The following FAM210A variants were observed in gnomAD, a reference collection of about 807,000 sequenced individuals.
FAM210A encodes the protein mitochondrial inner membrane scaffold 1.
A neutral mutation model predicts 25.3 loss-of-function variants in FAM210A; 13 were observed. That is an observed-to-expected ratio of 0.51 (90% confidence interval 0.33 to 0.82). The LOEUF is 0.82. FAM210A is among the 40% of genes least tolerant of loss of function. The pLI is 0.02. For missense variants in FAM210A, 319 were observed against 323.2 expected (o/e 0.99, Z 0.10); for synonymous variants, 125 against 118.7 (o/e 1.05, Z -0.35).
At chr18:13,675,603 T>G (rs58548053) in intron 2 of FAM210A, among the ~76,000 whole-genome samples, 3 of 98,536 alleles carry the variant, frequency 3.0e-5, no homozygotes, top group Non-Finnish European at 4.2e-5. Context: ...TATTAACATT[T>G]CTGAGCCCTG....
At chr18:13,705,995 T>C (rs1359416651) in intron 1 of FAM210A, among the ~76,000 whole-genome samples, 1 of 152,214 alleles carries the variant, frequency 6.6e-6, no homozygotes, top group Non-Finnish European at 1.5e-5. Flanking sequence ...CAGTGTATTT[T>C]TATGGTTCAC....
chr18:13,663,495 T>A lies in FAM210A; in HGVS notation c.*2985A>T, dbSNP rs2149048594. The A allele has an allele frequency of 1.3e-5, 2 of 152,282 alleles. No homozygotes were observed. The highest frequency in any genetic ancestry group is 1.3e-4 in the Admixed American group (2 of 15,304). 9.4% of individuals were successfully genotyped at this position (152,282 alleles called of 1,614,324 possible). A position where few individuals can be genotyped will look rare whatever the true frequency, so the allele number is the denominator to read the frequency against. On this transcript the variant is annotated 3_prime_UTR_variant, in exon 4 of 4. Transcript: ENST00000651643. Reference sequence around the variant, plus strand: ...TCTCAGTGAAATACATTTTTTGATGTGGTTGGTTTTGCTCTTATTCCTGAA... The same window carrying A: ...TCTCAGTGAAATACATTTTTTGATGAGGTTGGTTTTGCTCTTATTCCTGAA...
intron 3 of FAM210A, among the ~76,000 whole-genome samples, chr18:13,669,845 CCA>C (rs139340897): frequency 0.014 from 2,160 of 152,260 alleles, 48 homozygotes; most frequent in African/African-American, 0.049. Context: ...TATCCCGTAG[CCA>C]ACTGCCACCA....
At chr18:13,710,027 AG>A (rs780922359) in intron 1 of FAM210A, among the ~76,000 whole-genome samples, 4 of 152,180 alleles carry the variant, frequency 2.6e-5, no homozygotes, top group Non-Finnish European at 5.9e-5. Context: ...GGAGGAATTT[AG>A]TTGACAGTTT....
intron 1 of FAM210A, among the ~76,000 whole-genome samples, chr18:13,706,401 A>T (rs950451155): frequency 6.6e-6 from 1 of 152,130 alleles, no homozygotes; most frequent in African/African-American, 2.4e-5. Context: ...CTTTTATTTG[A>T]AAATGATTTT....
chr18:13,682,642 G>A (rs2043565296), intron 1 of FAM210A, among the ~76,000 whole-genome samples: 1 of 151,778 alleles, frequency 6.6e-6, no homozygotes, highest in Admixed American at 6.6e-5. Flanking sequence ...TCTGAGGCAG[G>A]CGGATCGCTT....
At chr18:13,722,039 G>C (rs2043901278) in intron 1 of FAM210A, among the ~76,000 whole-genome samples, 1 of 152,042 alleles carries the variant, frequency 6.6e-6, no homozygotes, top group African/African-American at 2.4e-5. Flanking sequence ...ACTCAAATCT[G>C]GGAACTGATT....
In FAM210A at chr18:13,663,859, C is replaced by A. The variant is rs1451358516; in HGVS notation, c.*2621G>T. On this transcript the variant is annotated 3_prime_UTR_variant, in exon 4 of 4. Transcript: ENST00000651643. ...TAAATATAAATGTAGACATGTAAGACACAGGGCTGCTTCTGCCGAGCACTC... is the reference window on the plus strand; with the variant it reads ...TAAATATAAATGTAGACATGTAAGAAACAGGGCTGCTTCTGCCGAGCACTC... The A allele has an allele frequency of 6.6e-6, 1 of 152,096 alleles. No homozygotes were observed. The highest frequency in any genetic ancestry group is 1.5e-5 in the Non-Finnish European group (1 of 68,028). 9.4% of individuals were successfully genotyped at this position (152,096 alleles called of 1,614,324 possible).
intron 1 of FAM210A, among the ~76,000 whole-genome samples, chr18:13,688,451 G>A (rs960766064): frequency 4.1e-5 from 2 of 49,000 alleles, no homozygotes; most frequent in Admixed American, 5.1e-4. Context: ...GGCTGCATGA[G>A]GCAGAGAGGC....
At chr18:13,704,154 AAT>A (rs2149066216) in intron 1 of FAM210A, among the ~76,000 whole-genome samples, 1 of 152,346 alleles carries the variant, frequency 6.6e-6, no homozygotes, top group African/African-American at 2.4e-5. Context: ...TACTAAAAAA[AAT>A]AGTTTTACAT....
At chr18:13,678,233 C>T (rs1292319464) in intron 2 of FAM210A, among the ~76,000 whole-genome samples, 1 of 152,070 alleles carries the variant, frequency 6.6e-6, no homozygotes, top group African/African-American at 2.4e-5. Flanking sequence ...GCTGTATTGT[C>T]ACTGGCCTGC....
intron 1 of FAM210A, among the ~76,000 whole-genome samples, chr18:13,690,303 C>A (rs998814957): frequency 6.6e-6 from 1 of 152,226 alleles, no homozygotes; most frequent in African/African-American, 2.4e-5. Flanking sequence ...GGCCTGCCTG[C>A]CTCTGTAGAC....
chr18:13,686,243 CAA>C (rs1387680822), intron 1 of FAM210A, among the ~76,000 whole-genome samples: 1 of 152,090 alleles, frequency 6.6e-6, no homozygotes, highest in Non-Finnish European at 1.5e-5. Context: ...CCATCAGGCC[CAA>C]AGAGACATTA....
Position 13,694,290 on chromosome 18 carries a change from A to G in FAM210A, c.-28-12185T>C, listed in dbSNP as rs535444622. 2.0e-5 allele frequency among the ~76,000 whole-genome samples: 3 copies of G among 152,298 alleles called. No individual in the cohort carries two copies. The East Asian group carries it at 5.8e-4, about 29-fold the overall frequency. On this transcript the variant is annotated intron_variant, in intron 1 of 3. Coordinates refer to ENST00000651643, the MANE Select transcript of FAM210A (RefSeq NM_152352.4). ...AGGAAGAATCGTTGTGAAAATGGCC[A>G]TACTGCCCAAGGTAATTTATAGATT...
At chr18:13,685,875 G>C (rs1037461007) in intron 1 of FAM210A, among the ~76,000 whole-genome samples, 6 of 152,124 alleles carry the variant, frequency 3.9e-5, no homozygotes, top group Non-Finnish European at 8.8e-5. Context: ...GCACATATTA[G>C]AAAAGAAGTA....
At chr18:13,711,587 T>C (rs1448333279) in intron 1 of FAM210A, among the ~76,000 whole-genome samples, 1 of 152,208 alleles carries the variant, frequency 6.6e-6, no homozygotes, top group Non-Finnish European at 1.5e-5. Context: ...CTTTCAGACT[T>C]TCCTTTCTAT....
At chr18:13,713,949 T>C (rs1251810377) in intron 1 of FAM210A, among the ~76,000 whole-genome samples, 3 of 152,204 alleles carry the variant, frequency 2.0e-5, no homozygotes, top group Non-Finnish European at 4.4e-5. Flanking sequence ...AATTTAACTC[T>C]TAGTTTTCTC....
intron 1 of FAM210A, among the ~76,000 whole-genome samples, chr18:13,700,949 C>CT (rs1487469866): frequency 2.0e-5 from 3 of 152,178 alleles, no homozygotes; most frequent in African/African-American, 2.4e-5. Context: ...TATCATTTCC[C>CT]TTTTTTTGTC....
intron 3 of FAM210A, among the ~76,000 whole-genome samples, chr18:13,671,585 A>G (rs1414750340): frequency 6.6e-6 from 1 of 150,962 alleles, no homozygotes; most frequent in Non-Finnish European, 1.5e-5. Flanking sequence ...GCTACTCGGG[A>G]GGCTGAGGTA....
Sources: allele counts gnomAD v4.1 joint callset (sites outside exome capture counted in the v4.1 genomes callset), GRCh38; gene constraint gnomAD v4.1.1; transcripts MANE v1.5; gene names NCBI Gene and HGNC (gene_info 2026-07-23, HGNC 2026-07-21).